The following TMEM26 variants were observed in gnomAD, a reference collection of about 807,000 sequenced individuals.
TMEM26 encodes transmembrane protein 26.
In TMEM26, 38 loss-of-function variants were observed where a neutral mutation model predicts 28.8. That is an observed-to-expected ratio of 1.32 (90% CI 1.02 to 1.73). The LOEUF is 1.73. Among genes scored for constraint, TMEM26 ranks in the 40% most tolerant of loss-of-function variants. The pLI, the probability that TMEM26 is intolerant of heterozygous loss-of-function variation, is 0.00. For missense variants in TMEM26, 518 were observed against 447.1 expected, an observed-to-expected ratio of 1.16 and a Z score of -1.43; for synonymous variants, 227 against 182.9, an observed-to-expected ratio of 1.24 and a Z score of -1.95.
At chr10:61,447,523 T>C (rs1364291100) in intron 1 of TMEM26, among the ~76,000 whole-genome samples, 2 of 152,226 alleles carry the variant, frequency 1.3e-5, no homozygotes, top group Non-Finnish European at 2.9e-5. Flanking sequence ...TCCTAACTTG[T>C]CTTTTCTGTT....
At chr10:61,438,140 A>G (rs994034399) in intron 1 of TMEM26, among the ~76,000 whole-genome samples, 2 of 152,166 alleles carry the variant, frequency 1.3e-5, no homozygotes, top group African/African-American at 4.8e-5. Context: ...CTCTTAAAAA[A>G]TCAATATTTA....
At chr10:61,414,548 CCAT>C (rs1349521381) in intron 4 of TMEM26, 2 of 151,918 alleles carry the variant, frequency 1.3e-5, no homozygotes, top group African/African-American at 2.4e-5. Context: ...GATTTCTAAA[CCAT>C]CATTATCTGT....
intron 4 of TMEM26, among the ~76,000 whole-genome samples, chr10:61,423,701 T>C (rs1839784373): frequency 6.6e-6 from 1 of 152,048 alleles, no homozygotes; most frequent in Admixed American, 6.6e-5. Context: ...GGGTGGTGCC[T>C]AGACCCGGGC....
At chr10:61,435,690 G>A (rs1839993755) in intron 2 of TMEM26, among the ~76,000 whole-genome samples, 1 of 152,144 alleles carries the variant, frequency 6.6e-6, no homozygotes, top group East Asian at 1.9e-4. Context: ...TATTTTAAAT[G>A]GCTCCTATAA....
chr10:61,422,368 G>A (rs1839763476), intron 4 of TMEM26, among the ~76,000 whole-genome samples: 2 of 151,988 alleles, frequency 1.3e-5, no homozygotes, highest in Non-Finnish European at 2.9e-5. Context: ...TTCATCTCAA[G>A]TACACATGCA....
At chr10:61,434,413 TA>T (rs748716132) in intron 2 of TMEM26, among the ~76,000 whole-genome samples, 2 of 152,204 alleles carry the variant, frequency 1.3e-5, no homozygotes, top group Non-Finnish European at 2.9e-5. Flanking sequence ...ATTTATATTA[TA>T]AAAGCATTTA....
At chr10:61,445,685 T>TA (rs35373574) in intron 1 of TMEM26, among the ~76,000 whole-genome samples, 87 of 125,410 alleles carry the variant, frequency 6.9e-4, no homozygotes, top group Middle Eastern at 3.9e-3. Flanking sequence ...AATTTTTTTT[T>TA]AAAAAAAAGG....
chr10:61,414,896 A>G (rs1839625990), intron 4 of TMEM26: 1 of 773,224 alleles, frequency 1.3e-6, no homozygotes, highest in African/African-American at 1.9e-5. Flanking sequence ...AGTCTCCCAT[A>G]GTGTCCTCAT....
At chr10:61,413,604 C>A (rs1179311668) in intron 4 of TMEM26, 69 bp from the exon 5 acceptor site, 2 of 1,488,162 alleles carry the variant, frequency 1.3e-6, no homozygotes, top group South Asian at 1.4e-5. Context: ...TCTTCTCAGT[C>A]AAGTTTTTTA....
Position 61,452,890 on chromosome 10 carries a change from C to A in TMEM26, c.191+1G>T. 6.2e-7 allele frequency: 1 copy of A among 1,610,720 alleles called. No homozygotes were observed. The highest frequency in any genetic ancestry group is 8.5e-7 in the Non-Finnish European group (1 of 1,177,146). On this transcript the variant is annotated splice_donor_variant, in intron 1 of 5. Coordinates refer to ENST00000399298, the MANE Select transcript of TMEM26 (RefSeq NM_178505.8). LOFTEE classifies it high-confidence loss of function. ...CCCTCGCTTTCCCGGGGCACTCTCA[C>A]CATTTGTAGCCTCTGCCGCGCTTGA... is the stretch of plus-strand genomic sequence containing the variant.
At chr10:61,413,256 A>G (rs919280786) in intron 5 of TMEM26, among the ~76,000 whole-genome samples, 3 of 152,096 alleles carry the variant, frequency 2.0e-5, no homozygotes, top group African/African-American at 7.2e-5. Context: ...TATCTGCTCT[A>G]CTATCTTAAG....
intron 4 of TMEM26, among the ~76,000 whole-genome samples, chr10:61,424,534 A>T (rs970295281): frequency 2.6e-5 from 4 of 152,160 alleles, no homozygotes; most frequent in Admixed American, 1.3e-4. Flanking sequence ...ATAGTAAGTT[A>T]TTTTTTTAAT....
intron 1 of TMEM26, among the ~76,000 whole-genome samples, chr10:61,440,469 A>G (rs1840074114): frequency 7.2e-6 from 1 of 139,114 alleles, no homozygotes; most frequent in African/African-American, 2.7e-5. Context: ...CTTGCTTGCC[A>G]TTCTTCCAAC....
At chr10:61,444,948 C>T (rs1383355323) in intron 1 of TMEM26, among the ~76,000 whole-genome samples, 1 of 152,070 alleles carries the variant, frequency 6.6e-6, no homozygotes, top group African/African-American at 2.4e-5. Flanking sequence ...ATGCCTGGCT[C>T]AATAAATGTG....
intron 1 of TMEM26, among the ~76,000 whole-genome samples, chr10:61,439,194 G>A (rs1463659264): frequency 6.6e-6 from 1 of 152,176 alleles, no homozygotes; most frequent in African/African-American, 2.4e-5. Flanking sequence ...GGCACAGCAG[G>A]AATTAATCTT....
intron 4 of TMEM26, among the ~76,000 whole-genome samples, chr10:61,415,556 T>A (rs1453988158): frequency 6.6e-6 from 1 of 152,104 alleles, no homozygotes; most frequent in Non-Finnish European, 1.5e-5. Context: ...AATTGTTATC[T>A]CTATTTTATC....
Position 61,407,988 on chromosome 10 carries a change from T to C in TMEM26, c.*2334A>G, listed in dbSNP as rs916470842. On this transcript the variant is annotated 3_prime_UTR_variant, in exon 6 of 6. Coordinates refer to ENST00000399298, the MANE Select transcript of TMEM26 (RefSeq NM_178505.8). ...GTCTACGCTATGAACTGAACAAATT[T>C]GTAATATTTAATCAGGAGTCTTAGG... 1 of 152,220 alleles carries C rather than the reference T, an allele frequency of 6.6e-6. No individual in the cohort carries two copies. The highest frequency in any genetic ancestry group is 1.9e-4 in the East Asian group (1 of 5,198). The allele number at this position is 152,220 out of a possible 1,614,324, so 9.4% of individuals were successfully genotyped here.
intron 4 of TMEM26, among the ~76,000 whole-genome samples, chr10:61,419,299 A>G (rs376225200): frequency 6.6e-6 from 1 of 152,126 alleles, no homozygotes; most frequent in African/African-American, 2.4e-5. Context: ...TACAATCAAG[A>G]GGAAAAACTG....
chr10:61,428,682 C>G lies in TMEM26; in HGVS notation c.605+244G>C, dbSNP rs557815436. Among the ~76,000 whole-genome samples, 11 of 152,164 alleles carry G rather than the reference C, an allele frequency of 7.2e-5. No individual in the cohort carries two copies. The East Asian group carries it at 2.1e-3, about 29-fold the overall frequency. On this transcript the variant is annotated intron_variant, in intron 4 of 5. Coordinates refer to ENST00000399298, the MANE Select transcript of TMEM26 (RefSeq NM_178505.8). ...TGAAAACATGCAGAGCTTTTCTGTTCTCTCCCACAGAGAATATTATGTGTC... is the reference window on the plus strand; with the variant it reads ...TGAAAACATGCAGAGCTTTTCTGTTGTCTCCCACAGAGAATATTATGTGTC...
Sources: gnomAD v4.1 joint callset for allele counts (sites outside exome capture counted in the v4.1 genomes callset) on GRCh38, gnomAD v4.1.1 for gene constraint, MANE v1.5 for transcripts, NCBI Gene and HGNC (gene_info 2026-07-23, HGNC 2026-07-21) for gene names.